The following DYM variants were observed in gnomAD, a reference collection of about 807,000 sequenced individuals.
DYM encodes the protein dymeclin.
In DYM, 78 loss-of-function variants were observed where a neutral mutation model predicts 93.1. The observed-to-expected ratio is 0.84, with a 90% CI of 0.70 to 1.01. The LOEUF is 1.01. Ranked by LOEUF, DYM falls within the 50% of genes least tolerant of loss-of-function variation. DYM has a pLI of 0.00. For synonymous variants in DYM, 321 were observed against 319.7 expected, an observed-to-expected ratio of 1.00 and a Z score of -0.04; for missense variants, 789 against 845.0, an observed-to-expected ratio of 0.93 and a Z score of 0.82.
chr18:49,378,579 G>A lies in DYM; in HGVS notation c.409C>T (p.Pro137Ser), dbSNP rs1022280394. The change falls in exon 5 of 18, where the codon CCT becomes TCT. Residue 137 changes from proline to serine, a missense_variant. Transcript: ENST00000675505. Reference protein sequence around the residue: ...QLHFTYEEKSPGNYSSDSEDL... With the variant: ...QLHFTYEEKSSGNYSSDSEDL... ...AAACAATACTTACTGTAATTGCCAG[G>A]AGATTTTTCTTCATAAGTAAAATGA... The A allele has an allele frequency of 1.2e-6, 2 of 1,610,680 alleles. No homozygotes were observed.
At chr18:49,385,314 T>G (rs899271524) in intron 3 of DYM, among the ~76,000 whole-genome samples, 13 of 152,190 alleles carry the variant, frequency 8.5e-5, no homozygotes, top group Admixed American at 2.0e-4. Context: ...AAAAAACAAC[T>G]GACCTGGCTC....
intron 13 of DYM, among the ~76,000 whole-genome samples, chr18:49,233,030 T>C (rs913660609): frequency 2.6e-5 from 4 of 152,098 alleles, no homozygotes; most frequent in Non-Finnish European, 5.9e-5. Context: ...GGTTACAAAC[T>C]GTGGGGGTGT....
chr18:49,209,139 CG>C (rs1326631695), intron 14 of DYM, among the ~76,000 whole-genome samples: 1 of 152,210 alleles, frequency 6.6e-6, no homozygotes, highest in Non-Finnish European at 1.5e-5. Flanking sequence ...GCACCTCTAT[CG>C]GAACATAGGT....
intron 17 of DYM, among the ~76,000 whole-genome samples, chr18:49,085,763 G>A (rs1326578175): frequency 1.3e-5 from 2 of 151,736 alleles, no homozygotes; most frequent in East Asian, 1.9e-4. Context: ...ACCTGCCACC[G>A]CGCCTGGCTA....
intron 16 of DYM, among the ~76,000 whole-genome samples, chr18:49,107,121 C>T (rs879340616): frequency 1.3e-5 from 2 of 151,514 alleles, no homozygotes; most frequent in Non-Finnish European, 2.9e-5. Flanking sequence ...ATTCTTTTTT[C>T]TCTAAACTTC....
At chr18:49,320,186 T>C (rs1273791637) in intron 8 of DYM, among the ~76,000 whole-genome samples, 1 of 152,168 alleles carries the variant, frequency 6.6e-6, no homozygotes, top group Non-Finnish European at 1.5e-5. Context: ...AAGATTAAGA[T>C]ATACATTTTT....
chr18:49,349,850 G>A (rs1450385792), intron 6 of DYM, among the ~76,000 whole-genome samples: 2 of 152,100 alleles, frequency 1.3e-5, no homozygotes, highest in Non-Finnish European at 1.5e-5. Flanking sequence ...CCAGCTACTA[G>A]GGAAGTGGAG....
chr18:49,199,576 TGG>T, intron 14 of DYM, among the ~76,000 whole-genome samples: 1 of 152,172 alleles, frequency 6.6e-6, no homozygotes, highest in Non-Finnish European at 1.5e-5. Context: ...ATGGTTTAAG[TGG>T]GATAATACAT....
At chr18:49,079,590 G>C (rs2077615207) in intron 17 of DYM, among the ~76,000 whole-genome samples, 1 of 151,570 alleles carries the variant, frequency 6.6e-6, no homozygotes, top group Non-Finnish European at 1.5e-5. Flanking sequence ...CTTGAGATTA[G>C]GGAGTGGTGA....
intron 15 of DYM, among the ~76,000 whole-genome samples, chr18:49,119,300 T>C (rs947680733): frequency 2.0e-5 from 3 of 152,232 alleles, no homozygotes; most frequent in African/African-American, 7.2e-5. Context: ...GGTAGGGTTG[T>C]ACCCATTCCA....
At chr18:49,236,253 G>A (rs931707238) in intron 13 of DYM, among the ~76,000 whole-genome samples, 1 of 152,098 alleles carries the variant, frequency 6.6e-6, no homozygotes, top group African/African-American at 2.4e-5. Flanking sequence ...GGCTGAGATG[G>A]GCGGATCACC....
At position 49,038,471 on chromosome 18, in the gene DYM, T is replaced by C. The variant is rs1364151968; in HGVS notation, c.*5584A>G. Reference sequence around the variant, plus strand: ...GCCTTAAAGTTTACTTAAATATATCTACACCAGTTTCCTCATGGTTACTGT... The same window carrying C: ...GCCTTAAAGTTTACTTAAATATATCCACACCAGTTTCCTCATGGTTACTGT... On this transcript the variant is annotated 3_prime_UTR_variant, in exon 18 of 18. Transcript: ENST00000675505. Among the ~76,000 whole-genome samples the C allele has an allele frequency of 6.6e-6, 1 of 152,240 alleles. No homozygotes were observed.
chr18:49,423,611 G>GT (rs1192742696), intron 2 of DYM, among the ~76,000 whole-genome samples: 26 of 152,030 alleles, frequency 1.7e-4, no homozygotes, highest in African/African-American at 5.8e-4. Context: ...CCAGGAGCTG[G>GT]TTTTTTTGAA....
chr18:49,207,191 C>G (rs1451223856), intron 14 of DYM, among the ~76,000 whole-genome samples: 1 of 152,136 alleles, frequency 6.6e-6, no homozygotes, highest in African/African-American at 2.4e-5. Context: ...GCCTCTGGCA[C>G]ACATGACGAA....
intron 9 of DYM, among the ~76,000 whole-genome samples, chr18:49,285,740 A>G (rs2095107228): frequency 6.6e-6 from 1 of 152,246 alleles, no homozygotes; most frequent in Admixed American, 6.5e-5. Flanking sequence ...GCAGCACTTG[A>G]CTATACTACA....
At chr18:49,346,627 A>T (rs1160849462) in intron 6 of DYM, among the ~76,000 whole-genome samples, 3 of 152,162 alleles carry the variant, frequency 2.0e-5, no homozygotes, top group Non-Finnish European at 2.9e-5. Flanking sequence ...AAAGGGTGAA[A>T]ATTTTAGTAT....
In DYM at chr18:49,281,981, T is replaced by G; in HGVS notation, c.1125+16A>C. ...AAAAAAATACAAACGCATGGAATGT[T>G]TAGTATGATACTTACAAGATTTTCC... On this transcript the variant is annotated intron_variant, in intron 10 of 17. Coordinates refer to ENST00000675505, the MANE Select transcript of DYM (RefSeq NM_001353214.3). 1 of 1,610,944 alleles carries G rather than the reference T, an allele frequency of 6.2e-7. No individual in the cohort carries two copies. Among genetic ancestry groups the G allele is most frequent in the Non-Finnish European group, 8.5e-7 (1 of 1,178,078 alleles).
intron 5 of DYM, among the ~76,000 whole-genome samples, chr18:49,367,609 A>T (rs2066637427): frequency 6.6e-6 from 1 of 152,236 alleles, no homozygotes. Flanking sequence ...TGATCATTAG[A>T]AAACAAAGCA....
chr18:49,423,285 T>C (rs924719583), intron 2 of DYM, among the ~76,000 whole-genome samples: 2 of 152,164 alleles, frequency 1.3e-5, no homozygotes, highest in African/African-American at 2.4e-5. Flanking sequence ...AACCTGCTCC[T>C]GAATGACTAC....
Sources: allele counts gnomAD v4.1 joint callset (sites outside exome capture counted in the v4.1 genomes callset), GRCh38; gene constraint gnomAD v4.1.1; transcripts MANE v1.5; gene names NCBI Gene and HGNC (gene_info 2026-07-23, HGNC 2026-07-21).